SUCLG2: variants seen among roughly 807,000 people sequenced by gnomAD.
SUCLG2 encodes succinate--CoA ligase [GDP-forming] subunit beta, mitochondrial.
In SUCLG2, 42 loss-of-function variants were observed where a neutral mutation model predicts 47.9. The ratio of observed to expected loss-of-function variants is 0.88; its 90% CI spans 0.69 to 1.14. The LOEUF (loss-of-function observed/expected upper bound fraction) is 1.14. Ranked by LOEUF, SUCLG2 falls within the 50% of genes most tolerant of loss-of-function variation. The probability of loss-of-function intolerance (pLI) is 0.00; values close to 1 mark genes in which losing one functional copy is unlikely to be tolerated. For synonymous variants in SUCLG2, 195 were observed against 197.3 expected (o/e 0.99, Z 0.10); for missense variants, 571 against 525.9 (o/e 1.09, Z -0.84).
At chr3:67,488,350 C>T (rs1705115326) in intron 9 of SUCLG2, among the ~76,000 whole-genome samples, 1 of 152,060 alleles carries the variant, frequency 6.6e-6, no homozygotes, top group South Asian at 2.1e-4. Flanking sequence ...ATTCCTAATT[C>T]TCTGACAGTG....
At chr3:67,406,099 C>G (rs536372156) in intron 9 of SUCLG2, among the ~76,000 whole-genome samples, 2 of 152,276 alleles carry the variant, frequency 1.3e-5, no homozygotes, top group South Asian at 2.1e-4. Context: ...TACCTACCCC[C>G]CTTTCGCAGA....
intron 9 of SUCLG2, among the ~76,000 whole-genome samples, chr3:67,477,232 G>C (rs1704786747): frequency 6.6e-6 from 1 of 152,096 alleles, no homozygotes; most frequent in Non-Finnish European, 1.5e-5. Context: ...TCTGGAGTAA[G>C]GTCTGGGTAT....
chr3:67,647,983 C>T (rs1701220209), intron 1 of SUCLG2, among the ~76,000 whole-genome samples: 1 of 152,184 alleles, frequency 6.6e-6, no homozygotes, highest in African/African-American at 2.4e-5. Context: ...ATTATTCTAG[C>T]TCAATAAAGC....
At chr3:67,427,069 G>C (rs1283454888) in intron 9 of SUCLG2, among the ~76,000 whole-genome samples, 1 of 152,138 alleles carries the variant, frequency 6.6e-6, no homozygotes, top group Non-Finnish European at 1.5e-5. Context: ...ATGAACAAAA[G>C]GTTTTATATA....
At chr3:67,541,233 A>C (rs1347340891) in intron 2 of SUCLG2, among the ~76,000 whole-genome samples, 1 of 152,214 alleles carries the variant, frequency 6.6e-6, no homozygotes, top group Non-Finnish European at 1.5e-5. Context: ...AGTAGGTTTC[A>C]GAAGGTGGGT....
chr3:67,376,114 T>G, intron 10 of SUCLG2: 1 of 985,452 alleles, frequency 1.0e-6, no homozygotes, highest in Non-Finnish European at 1.2e-6. Flanking sequence ...GGAAGCTGAG[T>G]TGTCTGCTGA....
intron 9 of SUCLG2, among the ~76,000 whole-genome samples, chr3:67,455,391 C>G (rs1025874311): frequency 6.6e-6 from 1 of 152,136 alleles, no homozygotes; most frequent in Admixed American, 6.5e-5. Flanking sequence ...GGGCATAAAT[C>G]ACCATAAGCA....
intron 9 of SUCLG2, among the ~76,000 whole-genome samples, chr3:67,446,982 C>A (rs371988983): frequency 5.3e-5 from 8 of 151,800 alleles, no homozygotes; most frequent in Admixed American, 2.0e-4. Flanking sequence ...GGTTAAAAAT[C>A]AAAAAAGGTT....
intron 9 of SUCLG2, among the ~76,000 whole-genome samples, chr3:67,438,872 C>T (rs551577924): frequency 3.7e-4 from 56 of 152,276 alleles, no homozygotes; most frequent in African/African-American, 1.3e-3. Context: ...AGGGACTCCT[C>T]CCTAACTCGT....
chr3:67,380,683 G>C (rs1162581984), intron 10 of SUCLG2, among the ~76,000 whole-genome samples: 2 of 91,390 alleles, frequency 2.2e-5, no homozygotes, highest in East Asian at 6.3e-4. Context: ...AGGGGAAAGG[G>C]GGGTAGAGAG....
intron 6 of SUCLG2, among the ~76,000 whole-genome samples, chr3:67,516,692 G>A (rs1575748594): frequency 6.6e-6 from 1 of 152,204 alleles, no homozygotes; most frequent in Non-Finnish European, 1.5e-5. Flanking sequence ...GCAGTGAGTA[G>A]GATGGACAAA....
At chr3:67,600,291 T>C (rs780054664) in intron 2 of SUCLG2, among the ~76,000 whole-genome samples, 13 of 152,240 alleles carry the variant, frequency 8.5e-5, no homozygotes, top group Non-Finnish European at 1.3e-4. Flanking sequence ...AATAGTTGTT[T>C]TGTATTTCTT....
At chr3:67,632,809 G>C (rs1700949495) in intron 1 of SUCLG2, among the ~76,000 whole-genome samples, 1 of 152,128 alleles carries the variant, frequency 6.6e-6, no homozygotes, top group Non-Finnish European at 1.5e-5. Context: ...TAGAGTCTAT[G>C]ACCTTAATCA....
At chr3:67,643,637 C>A (rs968801362) in intron 1 of SUCLG2, among the ~76,000 whole-genome samples, 16 of 152,150 alleles carry the variant, frequency 1.1e-4, no homozygotes, top group South Asian at 4.2e-4. Flanking sequence ...TCTCACAACA[C>A]CAAACACATC....
chr3:67,422,814 G>A (rs927640968), intron 9 of SUCLG2, among the ~76,000 whole-genome samples: 3 of 152,122 alleles, frequency 2.0e-5, no homozygotes, highest in South Asian at 4.1e-4. Flanking sequence ...CTGACGGATA[G>A]GGCATCTGTA....
rs181368605 is a variant in SUCLG2 at position 67,382,190 on chromosome 3, A to C, written c.1184-6331T>G. On this transcript the variant is annotated intron_variant, in intron 10 of 10. Coordinates refer to ENST00000307227, the MANE Select transcript of SUCLG2 (RefSeq NM_003848.4). ...TGGATACATGAGTTAAGGGATTTACAAGTATCATGAAACTTAATCCTCAGA... is the reference window on the plus strand; with the variant it reads ...TGGATACATGAGTTAAGGGATTTACCAGTATCATGAAACTTAATCCTCAGA... Among the ~76,000 whole-genome samples, 261 of 152,314 alleles carry C rather than the reference A, an allele frequency of 1.7e-3. 1 individual carries two copies. Among genetic ancestry groups the C allele is most frequent in the African/African-American group, 6.1e-3 (252 of 41,586 alleles).
chr3:67,634,442 T>C (rs866418297), intron 1 of SUCLG2, among the ~76,000 whole-genome samples: 7 of 152,250 alleles, frequency 4.6e-5, no homozygotes, highest in Admixed American at 2.0e-4. Context: ...ATGCTTCTTT[T>C]GGAGCAGATT....
chr3:67,387,242 G>C (rs1702279002), intron 10 of SUCLG2, among the ~76,000 whole-genome samples: 1 of 152,078 alleles, frequency 6.6e-6, no homozygotes, highest in Non-Finnish European at 1.5e-5. Context: ...AAGTGACAAA[G>C]CTACAATGAA....
intron 2 of SUCLG2, among the ~76,000 whole-genome samples, chr3:67,561,545 G>A (rs902665973): frequency 1.3e-5 from 2 of 152,078 alleles, no homozygotes; most frequent in African/African-American, 4.8e-5. Flanking sequence ...AACAAAAAAT[G>A]AGCTGGAAGA....
Sources: allele counts gnomAD v4.1 joint callset (sites outside exome capture counted in the v4.1 genomes callset), GRCh38; gene constraint gnomAD v4.1.1; transcripts MANE v1.5; gene names NCBI Gene and HGNC (gene_info 2026-07-23, HGNC 2026-07-21).